Variants in SAMD3 observed in about 807,000 individuals in gnomAD.
SAMD3 encodes sterile alpha motif domain containing 3.
SAMD3 carries 63 observed loss-of-function variants against 58.5 expected under a neutral mutation model. That is an observed-to-expected ratio of 1.08 (90% CI 0.88 to 1.33). SAMD3 has a LOEUF of 1.33. Ranked by LOEUF, SAMD3 falls within the 40% of genes most tolerant of loss-of-function variation. SAMD3 has a pLI of 0.00. For synonymous variants in SAMD3, 220 were observed against 210.3 expected, an observed-to-expected ratio of 1.05 and a Z score of -0.40; for missense variants, 604 against 608.4, an observed-to-expected ratio of 0.99 and a Z score of 0.08.
intron 5 of SAMD3, among the ~76,000 whole-genome samples, chr6:130,209,245 T>G (rs1795331731): frequency 6.6e-6 from 1 of 152,204 alleles, no homozygotes; most frequent in Non-Finnish European, 1.5e-5. Context: ...GAAATCCTCT[T>G]TTTTCTTAAA....
chr6:130,165,961 C>T (rs1377640812), intron 8 of SAMD3, among the ~76,000 whole-genome samples: 4 of 152,186 alleles, frequency 2.6e-5, no homozygotes, highest in South Asian at 4.2e-4. Flanking sequence ...AGACCAGATA[C>T]GACCTCCTTC....
chr6:130,226,081 C>G (rs76747494), upstream of SAMD3, among the ~76,000 whole-genome samples: 6,589 of 152,252 alleles, frequency 0.043, 468 homozygotes, highest in African/African-American at 0.15. Flanking sequence ...GACAGCGCCG[C>G]TTTTCCCAGG....
At chr6:130,228,737 T>A (rs1796456417) in intron 2 of SAMD3, among the ~76,000 whole-genome samples, 1 of 152,190 alleles carries the variant, frequency 6.6e-6, no homozygotes, top group Non-Finnish European at 1.5e-5. Context: ...GGACTCAACA[T>A]GGACCCTGAT....
intron 8 of SAMD3, among the ~76,000 whole-genome samples, chr6:130,157,987 C>T (rs902499030): frequency 6.6e-6 from 1 of 150,558 alleles, no homozygotes; most frequent in African/African-American, 2.4e-5. Context: ...TTATAAGATA[C>T]CTAGGAATAA....
At chr6:130,290,928 G>A (rs201101514) in intron 2 of SAMD3, among the ~76,000 whole-genome samples, 2 of 152,038 alleles carry the variant, frequency 1.3e-5, no homozygotes, top group East Asian at 3.9e-4. Flanking sequence ...TTTCCTCTGG[G>A]TCTGAGTATA....
chr6:130,157,189 TTAAC>T (rs1455185683), intron 8 of SAMD3, among the ~76,000 whole-genome samples: 2 of 152,036 alleles, frequency 1.3e-5, no homozygotes, highest in East Asian at 1.9e-4. Context: ...ACTGCATTAA[TTAAC>T]TAATTAAAGA....
intron 8 of SAMD3, among the ~76,000 whole-genome samples, chr6:130,173,885 T>C (rs2114661673): frequency 6.6e-6 from 1 of 152,342 alleles, no homozygotes; most frequent in South Asian, 2.1e-4. Flanking sequence ...CCTTCAGAGA[T>C]GCCCTGCCCA....
At chr6:130,169,398 A>G (rs1407477880) in intron 8 of SAMD3, among the ~76,000 whole-genome samples, 1 of 152,196 alleles carries the variant, frequency 6.6e-6, no homozygotes, top group African/African-American at 2.4e-5. Flanking sequence ...GAGAGGCTAT[A>G]GTCTTCAAAG....
chr6:130,309,132 T>C (rs1776050022), intron 2 of SAMD3, among the ~76,000 whole-genome samples: 1 of 152,212 alleles, frequency 6.6e-6, no homozygotes, highest in Non-Finnish European at 1.5e-5. Flanking sequence ...AGACAGAGTA[T>C]TTCAAGCACT....
In SAMD3 at chr6:130,144,398, G is replaced by GCAT. The variant is rs1562358719; in HGVS notation, c.*119_*121dup. 23 of 803,446 alleles carry GCAT rather than the reference G, an allele frequency of 2.9e-5. No individual in the cohort carries two copies. In the South Asian group the frequency reaches 4.4e-4, roughly 16 times the overall value. The allele number at this position is 803,446 out of a possible 1,614,324, so 49.8% of individuals were successfully genotyped here. A position where few individuals can be genotyped will look rare whatever the true frequency, so the allele number is the denominator to read the frequency against. ...AGATAGAAAGCATTGAAATTCATTA[G>GCAT]CATCTATAAATACAAGATGATTTTC... On this transcript the variant is annotated 3_prime_UTR_variant, in exon 12 of 12. Coordinates refer to ENST00000439090, the MANE Select transcript of SAMD3 (RefSeq NM_001017373.4).
At chr6:130,146,220 A>G (rs765042983) in intron 9 of SAMD3, 39 bp from the exon 10 acceptor site, 1 of 1,323,868 alleles carries the variant, frequency 7.6e-7, no homozygotes, top group Non-Finnish European at 1.0e-6. Flanking sequence ...TCAGATCACA[A>G]GAAAAGCTAA....
intron 8 of SAMD3, chr6:130,161,387 T>G (rs1207938763): frequency 1.3e-5 from 2 of 152,206 alleles, no homozygotes; most frequent in Non-Finnish European, 2.9e-5. Flanking sequence ...AGTTATATAA[T>G]TGCTGATATT....
intron 2 of SAMD3, among the ~76,000 whole-genome samples, chr6:130,272,896 A>G (rs1774617762): frequency 6.6e-6 from 1 of 152,162 alleles, no homozygotes; most frequent in Admixed American, 6.6e-5. Context: ...TGGGAAGACC[A>G]GAATGACTGG....
At chr6:130,320,260 A>G (rs1236037372) in intron 1 of SAMD3, among the ~76,000 whole-genome samples, 1 of 152,234 alleles carries the variant, frequency 6.6e-6, no homozygotes, top group Non-Finnish European at 1.5e-5. Flanking sequence ...CAGAAGCTTC[A>G]TCAAAGAAGA....
chr6:130,267,371 T>C (rs947521233), intron 2 of SAMD3, among the ~76,000 whole-genome samples: 3 of 152,142 alleles, frequency 2.0e-5, no homozygotes, highest in African/African-American at 7.2e-5. Flanking sequence ...ATCACTACCT[T>C]AGTTCACCAA....
intron 8 of SAMD3, 69 bp downstream of exon 8, chr6:130,175,772 T>G (rs543041382): frequency 3.7e-5 from 36 of 986,086 alleles, no homozygotes; most frequent in Admixed American, 9.3e-5. Flanking sequence ...TTAAATGCTA[T>G]TATTTATTAT....
chr6:130,240,837 G>T (rs548835754), intron 2 of SAMD3, among the ~76,000 whole-genome samples: 2 of 152,070 alleles, frequency 1.3e-5, no homozygotes, highest in African/African-American at 2.4e-5. Flanking sequence ...TAGACTTCCC[G>T]GCCTCAGAAT....
At chr6:130,329,901 A>G (rs528247322) in intron 1 of SAMD3, among the ~76,000 whole-genome samples, 3 of 114,506 alleles carry the variant, frequency 2.6e-5, no homozygotes, top group South Asian at 3.2e-4. Context: ...AACATCACAC[A>G]CTGGGGCCTG....
At chr6:130,161,455 T>C (rs1387895369) in intron 8 of SAMD3, 1 of 152,176 alleles carries the variant, frequency 6.6e-6, no homozygotes. Context: ...TCTTACCCAA[T>C]CATGAAAATA....
Sources: allele counts gnomAD v4.1 joint callset (sites outside exome capture counted in the v4.1 genomes callset), GRCh38; gene constraint gnomAD v4.1.1; transcripts MANE v1.5; gene names NCBI Gene and HGNC (gene_info 2026-07-23, HGNC 2026-07-21).